Variants in CACNA2D3 observed in about 807,000 individuals in gnomAD.
The protein encoded by CACNA2D3 is calcium voltage-gated channel auxiliary subunit alpha2delta 3.
CACNA2D3 carries 60 observed loss-of-function variants against 160.6 expected under a neutral mutation model. The observed-to-expected ratio is 0.37, with a 90% CI of 0.30 to 0.46. The LOEUF (loss-of-function observed/expected upper bound fraction) is 0.46. Among genes scored for constraint, CACNA2D3 ranks in the 20% least tolerant of loss-of-function variants. The probability of loss-of-function intolerance (pLI) is 1.00; values close to 1 mark genes in which losing one functional copy is unlikely to be tolerated. For synonymous variants in CACNA2D3, 558 were observed against 492.9 expected, an observed-to-expected ratio of 1.13 and a Z score of -1.75; for missense variants, 1,205 against 1,365.0, an observed-to-expected ratio of 0.88 and a Z score of 1.85.
intron 2 of CACNA2D3, among the ~76,000 whole-genome samples, chr3:54,179,277 A>C (rs897995538): frequency 6.6e-6 from 1 of 152,204 alleles, no homozygotes; most frequent in Non-Finnish European, 1.5e-5. Context: ...GTACCTCAGA[A>C]GTTGCCTGTG....
rs115491436 is a variant in CACNA2D3 at position 54,876,836 on chromosome 3, A to G, written c.1711-2182A>G. Among the ~76,000 whole-genome samples, 1,068 of 152,336 alleles carry G rather than the reference A, an allele frequency of 7.0e-3. 16 individuals are homozygous for G. The highest frequency in any genetic ancestry group is 0.024 in the African/African-American group (1,002 of 41,570). On this transcript the variant is annotated intron_variant, in intron 18 of 37. Transcript: ENST00000474759. ...TATCTCTCAGTAGTATCCGAATTTC[A>G]TAGGAATCTGATGACCTCCCTTTTT...
chr3:54,138,260 C>T (rs539571395), intron 2 of CACNA2D3, among the ~76,000 whole-genome samples: 1 of 152,320 alleles, frequency 6.6e-6, no homozygotes, highest in Non-Finnish European at 1.5e-5. Flanking sequence ...TAGTTGGTTC[C>T]AAGTGTTAGC....
At chr3:54,643,336 A>G (rs1013356362) in intron 11 of CACNA2D3, among the ~76,000 whole-genome samples, 1 of 152,188 alleles carries the variant, frequency 6.6e-6, no homozygotes, top group Non-Finnish European at 1.5e-5. Context: ...GTCCACACCT[A>G]TCACTGCCAT....
chr3:54,315,594 C>T (rs989607685), intron 2 of CACNA2D3, among the ~76,000 whole-genome samples: 1 of 152,224 alleles, frequency 6.6e-6, no homozygotes, highest in Non-Finnish European at 1.5e-5. Context: ...AGAAGAAAGA[C>T]CCTGCTAGGT....
At chr3:54,387,833 T>TG (rs1278612289) in intron 4 of CACNA2D3, among the ~76,000 whole-genome samples, 111 of 152,318 alleles carry the variant, frequency 7.3e-4, no homozygotes, top group African/African-American at 2.6e-3. Context: ...TAGTGGCATG[T>TG]GGTCACAATT....
At chr3:54,747,454 A>G (rs1701773372) in intron 11 of CACNA2D3, among the ~76,000 whole-genome samples, 1 of 152,150 alleles carries the variant, frequency 6.6e-6, no homozygotes, top group Non-Finnish European at 1.5e-5. Flanking sequence ...TAAGATTATC[A>G]TAGGATAATG....
At chr3:54,864,242 A>C (rs995037700) in intron 17 of CACNA2D3, among the ~76,000 whole-genome samples, 17 of 151,874 alleles carry the variant, frequency 1.1e-4, no homozygotes, top group African/African-American at 3.9e-4. Context: ...ATTGCTGCTT[A>C]ACTCACTGCA....
intron 27 of CACNA2D3, chr3:54,918,988 G>T: frequency 3.1e-6 from 3 of 963,248 alleles, no homozygotes; most frequent in Non-Finnish European, 4.2e-6. Flanking sequence ...TGGAATTTAT[G>T]AAGTACCTTT....
intron 3 of CACNA2D3, among the ~76,000 whole-genome samples, chr3:54,378,834 A>G (rs752008077): frequency 1.3e-5 from 2 of 152,214 alleles, no homozygotes; most frequent in Non-Finnish European, 2.9e-5. Flanking sequence ...TTCCATCTTC[A>G]GCAGCTTTGC....
intron 3 of CACNA2D3, among the ~76,000 whole-genome samples, chr3:54,326,182 G>A (rs970835614): frequency 2.0e-5 from 3 of 152,142 alleles, no homozygotes; most frequent in Non-Finnish European, 4.4e-5. Context: ...TCCACATGCA[G>A]CAAGACATTT....
intron 2 of CACNA2D3, among the ~76,000 whole-genome samples, chr3:54,249,338 C>T (rs1270094659): frequency 1.3e-5 from 2 of 152,042 alleles, no homozygotes; most frequent in Admixed American, 6.6e-5. Context: ...AAACAGATTG[C>T]CCTCTATAAT....
chr3:54,549,848 G>A (rs1702127686), intron 5 of CACNA2D3, among the ~76,000 whole-genome samples: 1 of 152,206 alleles, frequency 6.6e-6, no homozygotes, highest in African/African-American at 2.4e-5. Flanking sequence ...CCAGATGGCA[G>A]GCTCACAAAA....
chr3:54,800,545 A>G (rs1409420113), intron 13 of CACNA2D3, among the ~76,000 whole-genome samples: 1 of 152,214 alleles, frequency 6.6e-6, no homozygotes, highest in Non-Finnish European at 1.5e-5. Flanking sequence ...TCTAATTGTG[A>G]GAATTTTCAG....
In CACNA2D3 at chr3:55,018,417, A is replaced by G. The variant is rs1223466336; in HGVS notation, c.2987+100A>G. On this transcript the variant is annotated intron_variant, in intron 35 of 37. Transcript: ENST00000474759. ...GACTTGCAGGCACAGTTACACCAAT[A>G]GAAAACATGGCTGCCCTCTTGCGTA... is the stretch of plus-strand genomic sequence containing the variant. 4 of 701,210 alleles carry G rather than the reference A, an allele frequency of 5.7e-6. No individual in the cohort carries two copies. In the African/African-American group the frequency reaches 7.1e-5, roughly 12 times the overall value. 43.4% of individuals were successfully genotyped at this position (701,210 alleles called of 1,614,324 possible).
intron 2 of CACNA2D3, among the ~76,000 whole-genome samples, chr3:54,267,701 T>C (rs964162169): frequency 6.6e-6 from 1 of 152,208 alleles, no homozygotes; most frequent in South Asian, 2.1e-4. Flanking sequence ...TTGTGCTATA[T>C]ATGACTGAAA....
chr3:54,916,501 C>T (rs913492733), intron 27 of CACNA2D3, among the ~76,000 whole-genome samples: 38 of 152,056 alleles, frequency 2.5e-4, no homozygotes, highest in African/African-American at 7.2e-4. Flanking sequence ...CAGTTTCTTT[C>T]GATATTCAGA....
chr3:54,654,794 A>C (rs942320922), intron 11 of CACNA2D3, among the ~76,000 whole-genome samples: 1 of 152,142 alleles, frequency 6.6e-6, no homozygotes, highest in Non-Finnish European at 1.5e-5. Context: ...ACCTAGGTTA[A>C]TTTACTGCTA....
At chr3:54,679,736 T>C (rs777565720) in intron 11 of CACNA2D3, among the ~76,000 whole-genome samples, 3 of 152,226 alleles carry the variant, frequency 2.0e-5, no homozygotes, top group Admixed American at 6.5e-5. Flanking sequence ...GTCAGCAAAA[T>C]GTCAGACTTG....
rs116487604 is a variant in CACNA2D3 at position 54,393,555 on chromosome 3, T to C, written c.381+6781T>C. On this transcript the variant is annotated intron_variant, in intron 4 of 37. Coordinates refer to ENST00000474759, the MANE Select transcript of CACNA2D3 (RefSeq NM_018398.3). ...AGGGGCCAAGCTGGTGTGTAGCTGC[T>C]CTACCTACCCCTCCCAGTCACTATC... Among the ~76,000 whole-genome samples, 310 of 152,318 alleles carry C rather than the reference T, an allele frequency of 2.0e-3. 1 individual carries two copies. Among genetic ancestry groups the C allele is most frequent in the African/African-American group, 6.5e-3 (269 of 41,572 alleles).
Sources: allele counts gnomAD v4.1 joint callset (sites outside exome capture counted in the v4.1 genomes callset), GRCh38; gene constraint gnomAD v4.1.1; transcripts MANE v1.5; gene names NCBI Gene and HGNC (gene_info 2026-07-23, HGNC 2026-07-21).